Variants in BCAT2 observed in about 807,000 individuals in gnomAD.
The protein encoded by BCAT2 is branched chain amino acid transaminase 2.
BCAT2 carries 44 observed loss-of-function variants against 52.9 expected under a neutral mutation model. The ratio of observed to expected loss-of-function variants is 0.83; its 90% CI spans 0.65 to 1.07. BCAT2 has a LOEUF of 1.07. Ranked by LOEUF, BCAT2 falls within the 50% of genes least tolerant of loss-of-function variation. BCAT2 has a pLI of 0.00. For synonymous variants in BCAT2, 215 were observed against 217.1 expected (o/e 0.99, Z 0.08); for missense variants, 478 against 521.8 (o/e 0.92, Z 0.82).
At chr19:48,801,252 C>T (rs2034651878) in intron 3 of BCAT2, among the ~76,000 whole-genome samples, 1 of 150,606 alleles carries the variant, frequency 6.6e-6, no homozygotes. Flanking sequence ...TTTTTTTTTC[C>T]CATAGTGGGT....
intron 1 of BCAT2, chr19:48,810,698 CACG>C: frequency 1.1e-6 from 1 of 940,934 alleles, no homozygotes; most frequent in South Asian, 2.2e-5. Flanking sequence ...TCCCCACCCC[CACG>C]CCTCCCTCAT....
rs192110881 is a variant in BCAT2, at chr19:48,802,425, C to T, written c.301-2128G>A. 7.6e-5 allele frequency among the ~76,000 whole-genome samples: 11 copies of T among 145,648 alleles called. No homozygotes were observed. In the East Asian group the frequency reaches 1.8e-3, roughly 24 times the overall value. ...CTTAAACAAGTGACTAAAGAAGGGACGTGTGTACTGGATTCCTTTTTTTTT... is the reference window on the plus strand; with the variant it reads ...CTTAAACAAGTGACTAAAGAAGGGATGTGTGTACTGGATTCCTTTTTTTTT... On this transcript the variant is annotated intron_variant, in intron 3 of 10. Transcript: ENST00000316273.
intron 3 of BCAT2, among the ~76,000 whole-genome samples, chr19:48,802,573 G>T: frequency 6.9e-6 from 1 of 144,920 alleles, no homozygotes; most frequent in East Asian, 2.1e-4. Context: ...TCAGCCTCCC[G>T]AGTACCTGGG....
At position 48,807,848 on chromosome 19, in the gene BCAT2, C is replaced by G; in HGVS notation, c.25-774G>C. 1 of 985,702 alleles carries G rather than the reference C, an allele frequency of 1.0e-6. No homozygotes were observed. Among genetic ancestry groups the G allele is most frequent in the Non-Finnish European group, 1.2e-6 (1 of 830,072 alleles). 61.1% of individuals were successfully genotyped at this position (985,702 alleles called of 1,614,324 possible). Reference sequence around the variant, plus strand: ...CAGGGGCCTGGGGAGCCACTGCAGTCCTCACTGCATGAGGCTCAGGCGGGT... The same window carrying G: ...CAGGGGCCTGGGGAGCCACTGCAGTGCTCACTGCATGAGGCTCAGGCGGGT... On this transcript the variant is annotated intron_variant, in intron 1 of 10. Coordinates refer to ENST00000316273, the MANE Select transcript of BCAT2 (RefSeq NM_001190.4). The surrounding 1 kb of genome is among the most constrained non-coding windows in gnomAD (Gnocchi z 4.6).
At chr19:48,795,590 T>A (rs536480185) in intron 10 of BCAT2, 126 bp from the exon 11 acceptor site, 1 of 1,061,326 alleles carries the variant, frequency 9.4e-7, no homozygotes, top group Admixed American at 2.1e-5. Flanking sequence ...TGTAGTCCAC[T>A]TCCCAGAGGG....
At chr19:48,798,791 ATT>A (rs34719140) in intron 6 of BCAT2, 107 of 132,784 alleles carry the variant, frequency 8.1e-4, no homozygotes, top group East Asian at 1.1e-3. Context: ...AGCCCGGCTA[ATT>A]TTTTTTTTTT....
chr19:48,806,591 C>A lies in BCAT2; in HGVS notation c.226G>T (p.Gly76Cys). The change falls in exon 3 of 11, where the codon GGC (glycine) becomes TGC (cysteine). Residue 76 changes from glycine (G) to cysteine (C), a missense_variant. Transcript: ENST00000316273. ...LMVEWNDKGW[G>C]QPRIQPFQNL... ...TGGAAGGGCTGGATTCGGGGCTGGC[C>A]CCAGCCCTTGTCATTCCATTCCACC... The A allele has an allele frequency of 3.1e-6, 5 of 1,614,124 alleles. No homozygotes were observed. Among genetic ancestry groups the A allele is most frequent in the Non-Finnish European group, 4.2e-6 (5 of 1,180,018 alleles).
At chr19:48,800,938 C>T (rs1296093731) in intron 3 of BCAT2, among the ~76,000 whole-genome samples, 1 of 151,994 alleles carries the variant, frequency 6.6e-6, no homozygotes, top group African/African-American at 2.4e-5. Context: ...TCCTGCAGTC[C>T]CATGCACCAG....
rs1350188191 is a variant in BCAT2 at position 48,797,259 on chromosome 19, C to G, written c.770G>C (p.Gly257Ala). The change falls in exon 7 of 11, where the codon GGG (glycine) becomes GCG (alanine). Residue 257 changes from glycine (G) to alanine (A), a missense_variant. Transcript: ENST00000316273. The stretch of plus-strand genomic sequence containing the variant: ...CACCTCGGTGAGCTGGTGGTCGGGC[C>G]CATACAGCCAGAGGACCTGTTCACA... ...RGCEQVLWLY[G>A]PDHQLTEVGT... 6.2e-7 allele frequency: 1 copy of G among 1,613,860 alleles called. No individual in the cohort carries two copies. Among genetic ancestry groups the G allele is most frequent in the Admixed American group, 1.7e-5 (1 of 59,954 alleles).
At position 48,795,384 on chromosome 19, in the gene BCAT2, G is replaced by C; in HGVS notation, c.*42C>G. ...GTAGGGAGGCGAGTGCTGGCGTGAC[G>C]AGATGCTACGGGTCGGTGGATCTGG... On this transcript the variant is annotated 3_prime_UTR_variant, in exon 11 of 11. Coordinates refer to ENST00000316273, the MANE Select transcript of BCAT2 (RefSeq NM_001190.4). The C allele has an allele frequency of 6.2e-7, 1 of 1,613,290 alleles. No homozygotes were observed. Among genetic ancestry groups the C allele is most frequent in the South Asian group, 1.1e-5 (1 of 91,036 alleles).
chr19:48,806,578 A>G lies in BCAT2; in HGVS notation c.239T>C (p.Ile80Thr). 1 of 1,614,170 alleles carries G rather than the reference A, an allele frequency of 6.2e-7. No individual in the cohort carries two copies. Among genetic ancestry groups the G allele is most frequent in the South Asian group, 1.1e-5 (1 of 91,080 alleles). Reference sequence around the variant, plus strand: ...CAGCGTGAGGTTCTGGAAGGGCTGGATTCGGGGCTGGCCCCAGCCCTTGTC... The same window carrying G: ...CAGCGTGAGGTTCTGGAAGGGCTGGGTTCGGGGCTGGCCCCAGCCCTTGTC... ...WNDKGWGQPR[I>T]QPFQNLTLHP... is the part of the protein sequence containing the mutation. The change falls in exon 3 of 11, where the codon ATC becomes ACC. Residue 80 changes from isoleucine to threonine, a missense_variant. Ile to Thr is a moderately conservative substitution (Grantham distance 89). Transcript: ENST00000316273.
At chr19:48,795,529 G>A (rs1599790287) in intron 10 of BCAT2, 65 bp from the exon 11 acceptor site, 37 of 1,584,760 alleles carry the variant, frequency 2.3e-5, no homozygotes, top group Non-Finnish European at 3.1e-5. Flanking sequence ...AGGCCCTGGG[G>A]TGTTCCAGGC....
In BCAT2 at chr19:48,797,341, A is replaced by G; in HGVS notation, c.696-8T>C. ...ACGGTGGGCCCATAATTCCTGGTGG[A>G]GGGCAGTCTGGTTGGGTGGGGCAAG... On this transcript the variant is annotated splice_region_variant and splice_polypyrimidine_tract_variant and intron_variant, in intron 6 of 10. Transcript: ENST00000316273. 1.2e-6 allele frequency: 2 copies of G among 1,613,932 alleles called. No individual in the cohort carries two copies. The highest frequency in any genetic ancestry group is 1.7e-6 in the Non-Finnish European group (2 of 1,179,988).
At chr19:48,805,665 C>T (rs559672772) in intron 3 of BCAT2, among the ~76,000 whole-genome samples, 248 of 129,660 alleles carry the variant, frequency 1.9e-3, no homozygotes, top group South Asian at 0.011. Flanking sequence ...CCTGGGCTGT[C>T]TCCTCTCCTG....
chr19:48,800,072 C>T lies in BCAT2; in HGVS notation c.440G>A (p.Cys147Tyr). ...PSFDKLELLE[C>Y]IRRLIEVDKD... ...GTCCACTTCGATGAGCCGGCGGATG[C>T]ACTCCAGCAACTCCAGCTTGTCGAA... is the stretch of plus-strand genomic sequence containing the variant. Residue 147 changes from cysteine to tyrosine, a missense_variant, in exon 5 of 11, where the codon TGC becomes TAC. Transcript: ENST00000316273. 6.2e-7 allele frequency: 1 copy of T among 1,614,074 alleles called. No homozygotes were observed.
chr19:48,809,259 C>T (rs1406253748), intron 1 of BCAT2, among the ~76,000 whole-genome samples: 3 of 151,832 alleles, frequency 2.0e-5, no homozygotes, highest in Non-Finnish European at 2.9e-5. Flanking sequence ...GAGCAAGACT[C>T]GGTCAAAAAG....
rs139881168 is a variant in BCAT2 at position 48,797,317 on chromosome 19, C to G, written c.712G>C (p.Val238Leu). The change falls in exon 7 of 11, where the codon GTG becomes CTG. Residue 238 changes from valine to leucine, a missense_variant. Physicochemically the swap from Val to Leu is conservative, Grantham distance 32. Coordinates refer to ENST00000316273, the MANE Select transcript of BCAT2 (RefSeq NM_001190.4). ...TTGAGTGCCTCCTGTTGCACTAACA[C>G]GGTGGGCCCATAATTCCTGGTGGAG... is the stretch of plus-strand genomic sequence containing the variant. ...YKLGGNYGPTVLVQQEALKRG... is the reference protein window; with the variant it reads ...YKLGGNYGPTLLVQQEALKRG... 15 of 1,613,762 alleles carry G rather than the reference C, an allele frequency of 9.3e-6. No individual in the cohort carries two copies. The highest frequency in any genetic ancestry group is 1.3e-5 in the African/African-American group (1 of 74,894).
chr19:48,795,522 C>A, intron 10 of BCAT2, 58 bp from the exon 11 acceptor site: 1 of 1,598,394 alleles, frequency 6.3e-7, no homozygotes, highest in Non-Finnish European at 8.5e-7. Context: ...TCCCAGTAGG[C>A]CCTGGGGTGT....
At chr19:48,810,946 G>A (rs1169789360) in intron 1 of BCAT2, 38 bp downstream of exon 1, 2 of 1,603,470 alleles carry the variant, frequency 1.2e-6, no homozygotes, top group Non-Finnish European at 1.7e-6. Flanking sequence ...GCCTCCCCCG[G>A]TTATTTCCCA....
Sources: gnomAD v4.1 joint callset for allele counts (sites outside exome capture counted in the v4.1 genomes callset) on GRCh38, gnomAD v4.1.1 for gene constraint, Gnocchi (gnomAD v3.1) non-coding constraint, MANE v1.5 for transcripts, NCBI Gene and HGNC (gene_info 2026-07-23, HGNC 2026-07-21) for gene names.